Variants in APLP2 observed in about 807,000 individuals in gnomAD.
The protein encoded by APLP2 is amyloid beta precursor like protein 2.
Under a neutral mutation model 89.9 loss-of-function variants are expected in APLP2, and 53 were observed. The ratio of observed to expected loss-of-function variants is 0.59; its 90% confidence interval spans 0.47 to 0.74. The LOEUF (loss-of-function observed/expected upper bound fraction) is 0.74. Ranked by LOEUF, APLP2 falls within the 30% of genes least tolerant of loss-of-function variation. The pLI, the probability that APLP2 is intolerant of heterozygous loss-of-function variation, is 0.00. For missense variants in APLP2, 973 were observed against 975.9 expected, an observed-to-expected ratio of 1.00 and a Z score of 0.04; for synonymous variants, 372 against 348.6, an observed-to-expected ratio of 1.07 and a Z score of -0.75.
intron 7 of APLP2, 101 bp from the exon 8 acceptor site, chr11:130,126,599 A>G (rs756525760): frequency 6.9e-7 from 1 of 1,439,206 alleles, no homozygotes; most frequent in Non-Finnish European, 9.7e-7. Flanking sequence ...AGAATGCCAC[A>G]AAACAAATTG....
At chr11:130,136,063 T>G (rs1020722496) in intron 13 of APLP2, among the ~76,000 whole-genome samples, 2 of 152,094 alleles carry the variant, frequency 1.3e-5, no homozygotes, top group Non-Finnish European at 2.9e-5. Context: ...CCAGCCGTCT[T>G]GGGAGGTAGG....
At position 130,125,479 on chromosome 11, in the gene APLP2, T is replaced by C. The variant is rs149109207; in HGVS notation, c.1091-1221T>C. ...GTTATCGATTCTAATTTAGTTAATCTGAAAGTGGGATATTGACACCCTTTT... is the reference window on the plus strand; with the variant it reads ...GTTATCGATTCTAATTTAGTTAATCCGAAAGTGGGATATTGACACCCTTTT... On this transcript the variant is annotated intron_variant, in intron 7 of 16. Transcript: ENST00000338167. Among the ~76,000 whole-genome samples, 523 of 152,330 alleles carry C rather than the reference T, an allele frequency of 3.4e-3. 1 individual carries two copies. Among genetic ancestry groups the C allele is most frequent in the African/African-American group, 0.012 (500 of 41,562 alleles).
chr11:130,134,861 G>A (rs1468277405), intron 12 of APLP2, among the ~76,000 whole-genome samples: 2 of 152,208 alleles, frequency 1.3e-5, no homozygotes, highest in Non-Finnish European at 2.9e-5. Flanking sequence ...GCAGCTCGGG[G>A]ATGGTGGTAC....
At chr11:130,083,662 A>AT (rs923553002) in intron 1 of APLP2, among the ~76,000 whole-genome samples, 17 of 151,250 alleles carry the variant, frequency 1.1e-4, no homozygotes, top group African/African-American at 2.9e-4. Flanking sequence ...CAGAATTTAC[A>AT]TTTTTTTTAA....
At chr11:130,095,797 G>T (rs975297313) in intron 1 of APLP2, among the ~76,000 whole-genome samples, 1 of 152,234 alleles carries the variant, frequency 6.6e-6, no homozygotes, top group Non-Finnish European at 1.5e-5. Context: ...AGAAATACCT[G>T]CAGGTTGATA....
intron 4 of APLP2, among the ~76,000 whole-genome samples, chr11:130,121,219 CT>C (rs1949783244): frequency 1.3e-5 from 2 of 152,282 alleles, no homozygotes; most frequent in South Asian, 4.1e-4. Flanking sequence ...CCTTTCTTGT[CT>C]TCTGTAATTA....
intron 10 of APLP2, 141 bp downstream of exon 10, chr11:130,129,347 A>G: frequency 1.0e-6 from 1 of 993,156 alleles, no homozygotes; most frequent in South Asian, 1.7e-5. Flanking sequence ...AGGGAGGAAA[A>G]GGTATTACAT....
At position 130,123,535 on chromosome 11, in the gene APLP2, C is replaced by T; in HGVS notation, c.923-77C>T. On this transcript the variant is annotated intron_variant, in intron 6 of 16. Coordinates refer to ENST00000338167, the MANE Select transcript of APLP2 (RefSeq NM_001142276.2). This position sits in a 1 kb window ranked among gnomAD's most constrained non-coding sequence, Gnocchi z 4.0. The stretch of plus-strand genomic sequence containing the variant: ...AGGCCTCCCCCAGCCCATCCCCCAG[C>T]TCGCCAGCCTGTAGCATTTTGAAGC... 4 of 1,478,778 alleles carry T rather than the reference C, an allele frequency of 2.7e-6. No homozygotes were observed. The allele number at this position is 1,478,778 out of a possible 1,614,324, so 91.6% of individuals were successfully genotyped here.
At position 130,143,646 on chromosome 11, in the gene APLP2, A is replaced by G. The variant is rs1757232908; in HGVS notation, c.*198A>G. On this transcript the variant is annotated 3_prime_UTR_variant, in exon 17 of 17. Coordinates refer to ENST00000338167, the MANE Select transcript of APLP2 (RefSeq NM_001142276.2). ...TAAATGGGTGAAAAATGGTAATATA[A>G]CAATATATGATATATAAACCTTAAA... is the stretch of plus-strand genomic sequence containing the variant. 2 of 554,502 alleles carry G rather than the reference A, an allele frequency of 3.6e-6. No homozygotes were observed. The highest frequency in any genetic ancestry group is 1.9e-5 in the African/African-American group (1 of 53,064). 34.3% of individuals were successfully genotyped at this position (554,502 alleles called of 1,614,324 possible). A position where few individuals can be genotyped will look rare whatever the true frequency, so the allele number is the denominator to read the frequency against.
At chr11:130,082,114 C>T (rs1347516987) in intron 1 of APLP2, among the ~76,000 whole-genome samples, 3 of 152,170 alleles carry the variant, frequency 2.0e-5, no homozygotes, top group African/African-American at 7.2e-5. Context: ...GTAGTCAACA[C>T]TTTTCCAGTC....
At chr11:130,077,309 T>C (rs1477269923) in intron 1 of APLP2, among the ~76,000 whole-genome samples, 1 of 152,162 alleles carries the variant, frequency 6.6e-6, no homozygotes, top group African/African-American at 2.4e-5. Context: ...AAATTTGACA[T>C]GACAGGTGAG....
Position 130,069,897 on chromosome 11 carries a change from T to C in APLP2, c.-81T>C, listed in dbSNP as rs1339673747. 6.5e-6 allele frequency: 7 copies of C among 1,082,044 alleles called. No individual in the cohort carries two copies. The highest frequency in any genetic ancestry group is 2.2e-4 in the Middle Eastern group (1 of 4,582). The allele number at this position is 1,082,044 out of a possible 1,614,324, so 67.0% of individuals were successfully genotyped here. On this transcript the variant is annotated 5_prime_UTR_variant, in exon 1 of 17. It removes an upstream start codon present in the reference 5' UTR. Transcript: ENST00000338167. ...GGGGCGGCGGCGAACTGGCTTTAGA[T>C]GCTTCTGGGTCGCGGTGTGCTAAGC...
chr11:130,091,540 G>C (rs1945203535), intron 1 of APLP2, among the ~76,000 whole-genome samples: 1 of 144,130 alleles, frequency 6.9e-6, no homozygotes, highest in Non-Finnish European at 1.5e-5. Flanking sequence ...GCCGGGCGGG[G>C]GGCTGACCCC....
chr11:130,082,818 AG>A (rs1943410385), intron 1 of APLP2: 1 of 161,142 alleles, frequency 6.2e-6, no homozygotes. Flanking sequence ...AGAAAGAGAG[AG>A]GGGGGAAGCT....
intron 1 of APLP2, among the ~76,000 whole-genome samples, chr11:130,091,211 C>G (rs868686172): frequency 0.072 from 4,208 of 58,446 alleles, no homozygotes; most frequent in Admixed American, 0.14. Context: ...GCTGGCCGGG[C>G]AGGGGGGCTG....
intron 1 of APLP2, among the ~76,000 whole-genome samples, chr11:130,099,907 C>T (rs992769196): frequency 6.6e-6 from 1 of 152,170 alleles, no homozygotes; most frequent in Non-Finnish European, 1.5e-5. Context: ...GCATTGTGCT[C>T]AGTGGTTCTG....
At chr11:130,118,424 C>T (rs1949463374) in intron 3 of APLP2, among the ~76,000 whole-genome samples, 1 of 152,114 alleles carries the variant, frequency 6.6e-6, no homozygotes, top group Admixed American at 6.5e-5. Context: ...GATAAAGAAA[C>T]CGAGGGACAG....
intron 1 of APLP2, among the ~76,000 whole-genome samples, chr11:130,083,342 A>G (rs1943565731): frequency 6.8e-6 from 1 of 148,074 alleles, no homozygotes. Context: ...GCCTTAAAAC[A>G]TTTTTTTTTT....
Position 130,123,763 on chromosome 11 carries a change from T to G in APLP2, c.1074T>G (p.Ala358=), listed in dbSNP as rs766245157. ...TTGAGTCTGAGGATTATTGTATGGC[T>G]GTGTGTAAAGCGATGAGTAAGTCCT... ...NNFESEDYCM[A]VCKAMIPPTP... Residue 358 remains alanine (A), a synonymous_variant, in exon 7 of 17, where the codon GCT becomes GCG. Transcript: ENST00000338167. This position sits in a 1 kb window ranked among gnomAD's most constrained non-coding sequence, Gnocchi z 4.0. The G allele has an allele frequency of 6.2e-7, 1 of 1,614,232 alleles. No individual in the cohort carries two copies. Among genetic ancestry groups the G allele is most frequent in the East Asian group, 2.2e-5 (1 of 44,880 alleles).
Sources: gnomAD v4.1 joint callset for allele counts (sites outside exome capture counted in the v4.1 genomes callset) on GRCh38, gnomAD v4.1.1 for gene constraint, Gnocchi (gnomAD v3.1) non-coding constraint, MANE v1.5 for transcripts, NCBI Gene and HGNC (gene_info 2026-07-23, HGNC 2026-07-21) for gene names.